Variants in KLF7 observed in about 807,000 individuals in gnomAD.
KLF7 encodes the protein Krueppel-like factor 7.
In KLF7, 2 loss-of-function variants were observed where a neutral mutation model predicts 27.3. The ratio of observed to expected loss-of-function variants is 0.07; its 90% CI spans 0.03 to 0.23. The LOEUF (loss-of-function observed/expected upper bound fraction) is 0.23. KLF7 is among the 10% of genes least tolerant of loss of function. The pLI, the probability that KLF7 is intolerant of heterozygous loss-of-function variation, is 1.00. For missense variants in KLF7, 221 were observed against 394.1 expected (o/e 0.56, Z 3.72); for synonymous variants, 165 against 162.4 (o/e 1.02, Z -0.12).
At chr2:207,102,998 A>G (rs1002712633) in intron 2 of KLF7, among the ~76,000 whole-genome samples, 2 of 152,108 alleles carry the variant, frequency 1.3e-5, no homozygotes, top group Non-Finnish European at 2.9e-5. Context: ...GCGTGATCTT[A>G]GCTCACCGCA....
chr2:207,097,185 T>C (rs2076651321), intron 2 of KLF7, among the ~76,000 whole-genome samples: 1 of 152,040 alleles, frequency 6.6e-6, no homozygotes, highest in African/African-American at 2.4e-5. Flanking sequence ...TGCCACATAA[T>C]AGCAATGTGG....
chr2:207,134,245 T>C, intron 1 of KLF7: 2 of 819,654 alleles, frequency 2.4e-6, no homozygotes, highest in Non-Finnish European at 3.7e-6. Context: ...TTAATTAATA[T>C]ACCCTTCCCC....
intron 2 of KLF7, among the ~76,000 whole-genome samples, chr2:207,116,662 T>C (rs1172303846): frequency 6.6e-6 from 1 of 152,204 alleles, no homozygotes; most frequent in African/African-American, 2.4e-5. Context: ...ACATTATCAA[T>C]TTATTAAAAG....
rs2105825689 is a variant in KLF7 at position 207,074,683 on chromosome 2, A to G, written c.*6530T>C. ...CAGACTGCTTCAAAGATCCTTTCCC[A>G]ATAGGTTCCTATTAAACACCATCCC... On this transcript the variant is annotated 3_prime_UTR_variant, in exon 4 of 4. Transcript: ENST00000309446. 6.6e-6 allele frequency: 1 copy of G among 152,232 alleles called. No individual in the cohort carries two copies. Among genetic ancestry groups the G allele is most frequent in the East Asian group, 1.9e-4 (1 of 5,158 alleles). 9.4% of individuals were successfully genotyped at this position (152,232 alleles called of 1,614,324 possible).
In KLF7 at chr2:207,124,244, A is replaced by G. The variant is rs1376851772; in HGVS notation, c.263T>C (p.Ile88Thr). 2 of 1,614,060 alleles carry G rather than the reference A, an allele frequency of 1.2e-6. No individual in the cohort carries two copies. Among genetic ancestry groups the G allele is most frequent in the Non-Finnish European group, 1.7e-6 (2 of 1,180,012 alleles). The change falls in exon 2 of 4, where the codon ATC (isoleucine) becomes ACC (threonine). Residue 88 changes from isoleucine (I) to threonine (T), a missense_variant. Physicochemically the swap from Ile to Thr is moderately conservative, Grantham distance 89. Coordinates refer to ENST00000309446, the MANE Select transcript of KLF7 (RefSeq NM_003709.4). ...DPLLLPVEAA[I>T]CEKSSAVDIL... ...GTCCACTGCCGAGCTCTTCTCACAG[A>G]TGGCCGCTTCCACGGGGAGCAGCAG...
rs576633185 is a variant in KLF7, at chr2:207,100,760, G to A, written c.734-12179C>T. Among the ~76,000 whole-genome samples the A allele has an allele frequency of 3.6e-4, 55 of 152,242 alleles. 1 individual carries two copies. Among genetic ancestry groups the A allele is most frequent in the African/African-American group, 1.3e-3 (54 of 41,544 alleles). On this transcript the variant is annotated intron_variant, in intron 2 of 3. Coordinates refer to ENST00000309446, the MANE Select transcript of KLF7 (RefSeq NM_003709.4). ...GGCCAGTTATTTACTATTTCCTGTAGATATTTATCTTTTTATGCCTTGATC... is the reference window on the plus strand; with the variant it reads ...GGCCAGTTATTTACTATTTCCTGTAAATATTTATCTTTTTATGCCTTGATC...
chr2:207,159,101 C>T (rs1337936107), intron 1 of KLF7, among the ~76,000 whole-genome samples: 1 of 152,180 alleles, frequency 6.6e-6, no homozygotes, highest in East Asian at 1.9e-4. Context: ...AGGCTGAGAA[C>T]CTGACTTTCA....
chr2:207,109,712 C>T (rs749066062), intron 2 of KLF7, among the ~76,000 whole-genome samples: 5 of 152,198 alleles, frequency 3.3e-5, no homozygotes, highest in Non-Finnish European at 7.3e-5. Context: ...AGGAACGCCT[C>T]AGCTTACCCT....
At chr2:207,097,160 T>C (rs1574441727) in intron 2 of KLF7, among the ~76,000 whole-genome samples, 1 of 152,216 alleles carries the variant, frequency 6.6e-6, no homozygotes, top group Admixed American at 6.5e-5. Flanking sequence ...AAATAGATTA[T>C]TCTAGTTCTG....
chr2:207,131,981 G>A (rs888819631), intron 1 of KLF7, among the ~76,000 whole-genome samples: 1 of 152,150 alleles, frequency 6.6e-6, no homozygotes, highest in East Asian at 1.9e-4. Context: ...TGGCAGAAAG[G>A]ATGCATGAAC....
intron 2 of KLF7, among the ~76,000 whole-genome samples, chr2:207,120,634 T>C (rs1408098058): frequency 2.0e-5 from 3 of 152,180 alleles, no homozygotes; most frequent in South Asian, 2.1e-4. Context: ...TGGGTTAAAA[T>C]AGCTTGCCTG....
intron 2 of KLF7, among the ~76,000 whole-genome samples, chr2:207,111,957 T>G (rs1237630195): frequency 6.6e-6 from 1 of 152,032 alleles, no homozygotes; most frequent in Non-Finnish European, 1.5e-5. Context: ...TTCTTTGAAC[T>G]TTTCAATCTG....
intron 2 of KLF7, among the ~76,000 whole-genome samples, chr2:207,106,328 G>A (rs960486242): frequency 2.6e-5 from 4 of 152,192 alleles, no homozygotes; most frequent in African/African-American, 7.2e-5. Flanking sequence ...CAACTTCTAC[G>A]AGGTTCTACA....
Position 207,147,022 on chromosome 2 carries a change from T to C in KLF7, c.102+18445A>G, listed in dbSNP as rs73983196. Among the ~76,000 whole-genome samples the C allele has an allele frequency of 2.3e-3, 344 of 152,294 alleles. 1 individual carries two copies. Among genetic ancestry groups the C allele is most frequent in the African/African-American group, 8.1e-3 (335 of 41,556 alleles). On this transcript the variant is annotated intron_variant, in intron 1 of 3. Transcript: ENST00000309446. Reference sequence around the variant, plus strand: ...GCTAAATTGAGACTGCACTTGCCAATTGGGTATAAATCCAGTTTCATTAAT... The same window carrying C: ...GCTAAATTGAGACTGCACTTGCCAACTGGGTATAAATCCAGTTTCATTAAT...
intron 1 of KLF7, among the ~76,000 whole-genome samples, chr2:207,155,194 T>C (rs1469870463): frequency 6.6e-6 from 1 of 152,230 alleles, no homozygotes; most frequent in African/African-American, 2.4e-5. Flanking sequence ...CATAGAGCTG[T>C]TGTGAGCATT....
At position 207,152,348 on chromosome 2, in the gene KLF7, A is replaced by C. The variant is rs544298713; in HGVS notation, c.102+13119T>G. ...ACAACTGACCAGCTGGGTCTCTGGG[A>C]GTGGCAAAAGAAACTGTGACAATAG... On this transcript the variant is annotated intron_variant, in intron 1 of 3. Transcript: ENST00000309446. Among the ~76,000 whole-genome samples, 190 of 152,130 alleles carry C rather than the reference A, an allele frequency of 1.2e-3. 1 individual carries two copies. Among genetic ancestry groups the C allele is most frequent in the African/African-American group, 4.3e-3 (180 of 41,410 alleles).
chr2:207,112,455 T>C (rs1294280519), intron 2 of KLF7, among the ~76,000 whole-genome samples: 1 of 152,176 alleles, frequency 6.6e-6, no homozygotes, highest in Non-Finnish European at 1.5e-5. Flanking sequence ...AGCCTAGGCC[T>C]CCTCCTGCTT....
chr2:207,144,605 G>A (rs1336009039), intron 1 of KLF7, among the ~76,000 whole-genome samples: 1 of 152,116 alleles, frequency 6.6e-6, no homozygotes, highest in Non-Finnish European at 1.5e-5. Context: ...TGAACACAGG[G>A]TGGCTCAGTC....
chr2:207,080,839 A>C lies in KLF7; in HGVS notation c.*374T>G. 1 of 412,060 alleles carries C rather than the reference A, an allele frequency of 2.4e-6. No homozygotes were observed. Among genetic ancestry groups the C allele is most frequent in the East Asian group, 3.5e-5 (1 of 28,858 alleles). The allele number at this position is 412,060 out of a possible 1,614,324, so 25.5% of individuals were successfully genotyped here. On this transcript the variant is annotated 3_prime_UTR_variant, in exon 4 of 4. Transcript: ENST00000309446. Reference sequence around the variant, plus strand: ...GCCCCTCGGACTGCCGTCCACCTGCACAGACGTCACATCCATTTTCTTTGA... The same window carrying C: ...GCCCCTCGGACTGCCGTCCACCTGCCCAGACGTCACATCCATTTTCTTTGA...
Sources: gnomAD v4.1 joint callset for allele counts (sites outside exome capture counted in the v4.1 genomes callset) on GRCh38, gnomAD v4.1.1 for gene constraint, MANE v1.5 for transcripts, NCBI Gene and HGNC (gene_info 2026-07-23, HGNC 2026-07-21) for gene names.